The following NAALADL2 variants were observed in gnomAD, a reference collection of about 807,000 sequenced individuals.
NAALADL2 encodes the protein N-acetylated alpha-linked acidic dipeptidase like 2.
A neutral mutation model predicts 87.2 loss-of-function variants in NAALADL2; 76 were observed. The ratio of observed to expected loss-of-function variants is 0.87; its 90% CI spans 0.72 to 1.05. The LOEUF is 1.05. Ranked by LOEUF, NAALADL2 falls within the 50% of genes least tolerant of loss-of-function variation. The probability of loss-of-function intolerance (pLI) is 0.00; values close to 1 mark genes in which losing one functional copy is unlikely to be tolerated. For synonymous variants in NAALADL2, 354 were observed against 331.0 expected (o/e 1.07, Z -0.75); for missense variants, 1,089 against 945.8 (o/e 1.15, Z -1.99).
intron 2 of NAALADL2, among the ~76,000 whole-genome samples, chr3:174,658,903 C>T (rs75327894): frequency 0.028 from 4,266 of 152,174 alleles, 159 homozygotes; most frequent in African/African-American, 0.085. Context: ...GTCTTAGCGT[C>T]GACATCATTC....
intron 3 of NAALADL2, among the ~76,000 whole-genome samples, chr3:174,746,575 A>G (rs1000978884): frequency 1.3e-5 from 2 of 152,176 alleles, no homozygotes; most frequent in Non-Finnish European, 2.9e-5. Flanking sequence ...AATTAGAAAA[A>G]AAAAGCTTTA....
chr3:175,202,905 G>T (rs529557129), intron 2 of NAALADL2, among the ~76,000 whole-genome samples: 2 of 151,978 alleles, frequency 1.3e-5, no homozygotes, highest in South Asian at 4.2e-4. Context: ...TGGGGGAAGG[G>T]TGCCAGTTAA....
At chr3:175,318,439 T>G (rs867081877) in intron 4 of NAALADL2, among the ~76,000 whole-genome samples, 7 of 152,144 alleles carry the variant, frequency 4.6e-5, no homozygotes, top group Middle Eastern at 3.2e-3. Flanking sequence ...TAAAAGGTAA[T>G]TTTTTAATAT....
chr3:174,937,496 C>A (rs1450640855), intron 1 of NAALADL2, among the ~76,000 whole-genome samples: 1 of 151,960 alleles, frequency 6.6e-6, no homozygotes, highest in Non-Finnish European at 1.5e-5. Flanking sequence ...TGCTTAGAAC[C>A]AATTTTGTTA....
intron 3 of NAALADL2, among the ~76,000 whole-genome samples, chr3:174,817,191 TA>T (rs1560253714): frequency 6.6e-6 from 1 of 152,160 alleles, no homozygotes; most frequent in African/African-American, 2.4e-5. Context: ...AATGACAAAA[TA>T]ACCCACAATC....
chr3:174,916,047 A>G (rs1401646118), intron 1 of NAALADL2, among the ~76,000 whole-genome samples: 3 of 152,160 alleles, frequency 2.0e-5, no homozygotes, highest in Admixed American at 6.5e-5. Flanking sequence ...TCCCATGAAA[A>G]ATATGGGCAA....
chr3:175,613,588 G>C (rs183953173), intron 10 of NAALADL2, among the ~76,000 whole-genome samples: 2 of 152,232 alleles, frequency 1.3e-5, no homozygotes, highest in Admixed American at 1.3e-4. Context: ...ACATCTGACT[G>C]TATTAAATAT....
chr3:175,698,423 A>ATGTATG (rs1281206460), intron 11 of NAALADL2, among the ~76,000 whole-genome samples: 1 of 84,764 alleles, frequency 1.2e-5, no homozygotes, highest in African/African-American at 6.2e-5. Context: ...ATGTATACAT[A>ATGTATG]TGTATGTGTA....
At chr3:174,499,553 A>C (rs901223796) in intron 1 of NAALADL2, among the ~76,000 whole-genome samples, 1 of 152,158 alleles carries the variant, frequency 6.6e-6, no homozygotes, top group African/African-American at 2.4e-5. Context: ...TAAAAGTTTT[A>C]CAGTTTTAAG....
At chr3:175,607,217 C>CA (rs146423089) in intron 10 of NAALADL2, among the ~76,000 whole-genome samples, 28,251 of 152,040 alleles carry the variant, frequency 0.19, 2,981 homozygotes, top group African/African-American at 0.28. Flanking sequence ...AATATGCACA[C>CA]ATGCTAAAGA....
At chr3:175,418,214 T>C (rs1715013351) in intron 5 of NAALADL2, among the ~76,000 whole-genome samples, 1 of 152,178 alleles carries the variant, frequency 6.6e-6, no homozygotes, top group African/African-American at 2.4e-5. Flanking sequence ...AAAGATTACA[T>C]TTGTTTCTGT....
At chr3:175,604,035 C>T (rs557900619) in intron 10 of NAALADL2, among the ~76,000 whole-genome samples, 6 of 152,232 alleles carry the variant, frequency 3.9e-5, no homozygotes, top group Non-Finnish European at 8.8e-5. Flanking sequence ...CAAGACCCTA[C>T]TTTCAGTTCT....
intron 1 of NAALADL2, among the ~76,000 whole-genome samples, chr3:175,087,926 A>C (rs1452257326): frequency 6.6e-6 from 1 of 152,084 alleles, no homozygotes; most frequent in Non-Finnish European, 1.5e-5. Context: ...AAAAAAAAAA[A>C]ATCTTGACTT....
At chr3:175,432,632 CT>C (rs1032873711) in intron 5 of NAALADL2, among the ~76,000 whole-genome samples, 2 of 152,048 alleles carry the variant, frequency 1.3e-5, no homozygotes, top group African/African-American at 4.8e-5. Context: ...ATCAGCTCCC[CT>C]ACAGTCATTT....
chr3:175,702,129 C>T (rs1013915609), intron 11 of NAALADL2, among the ~76,000 whole-genome samples: 2 of 152,040 alleles, frequency 1.3e-5, no homozygotes, highest in African/African-American at 4.8e-5. Flanking sequence ...AACAAGATAA[C>T]ACATGGCGTT....
intron 1 of NAALADL2, among the ~76,000 whole-genome samples, chr3:174,935,363 A>T (rs1737539564): frequency 6.6e-6 from 1 of 152,180 alleles, no homozygotes; most frequent in Admixed American, 6.6e-5. Flanking sequence ...ATAATAAAAA[A>T]TCCTGGTTCA....
chr3:174,441,188 G>C (rs1360591969), intron 1 of NAALADL2, among the ~76,000 whole-genome samples: 2 of 151,972 alleles, frequency 1.3e-5, no homozygotes, highest in African/African-American at 2.4e-5. Context: ...GCGGGGCCCG[G>C]GGCGCCGACC....
intron 2 of NAALADL2, among the ~76,000 whole-genome samples, chr3:174,564,302 C>A (rs1713977288): frequency 6.6e-6 from 1 of 152,092 alleles, no homozygotes; most frequent in Non-Finnish European, 1.5e-5. Context: ...TGGGAAAAAA[C>A]ATGCGGCTGG....
At chr3:175,501,424 G>GACACACACACACGC (rs1553911507) in intron 9 of NAALADL2, among the ~76,000 whole-genome samples, 2 of 148,818 alleles carry the variant, frequency 1.3e-5, no homozygotes, top group East Asian at 4.0e-4. Flanking sequence ...ATACGTTTTA[G>GACACACACACACGC]ACACACACAC....
Sources: gnomAD v4.1 joint callset for allele counts (sites outside exome capture counted in the v4.1 genomes callset) on GRCh38, gnomAD v4.1.1 for gene constraint, MANE v1.5 for transcripts, NCBI Gene and HGNC (gene_info 2026-07-23, HGNC 2026-07-21) for gene names.